The following CDH12 variants were observed in gnomAD, a reference collection of about 807,000 sequenced individuals.
CDH12 encodes the protein cadherin-12.
CDH12 carries 41 observed loss-of-function variants against 74.1 expected under a neutral mutation model. The observed-to-expected ratio is 0.55, with a 90% CI of 0.43 to 0.72. The LOEUF (loss-of-function observed/expected upper bound fraction) is 0.72, where lower values mean the gene tolerates loss of function less well. CDH12 is among the 30% of genes least tolerant of loss of function. The pLI, the probability that CDH12 is intolerant of heterozygous loss-of-function variation, is 0.00. For synonymous variants in CDH12, 399 were observed against 355.0 expected, an observed-to-expected ratio of 1.12 and a Z score of -1.39; for missense variants, 945 against 977.2, an observed-to-expected ratio of 0.97 and a Z score of 0.44.
chr5:22,525,924 G>A (rs1427276350), intron 1 of CDH12, among the ~76,000 whole-genome samples: 2 of 152,154 alleles, frequency 1.3e-5, no homozygotes, highest in Non-Finnish European at 2.9e-5. Context: ...TGAGAAGAAA[G>A]TATATTAGTA....
intron 1 of CDH12, among the ~76,000 whole-genome samples, chr5:22,671,443 CT>C (rs34616510): frequency 0.67 from 102,079 of 151,826 alleles, 34,538 homozygotes; most frequent in Admixed American, 0.73. Flanking sequence ...ACTACTGGCA[CT>C]TGGAATAGGG....
At chr5:22,279,442 T>C (rs1736778549) in intron 3 of CDH12, among the ~76,000 whole-genome samples, 1 of 152,176 alleles carries the variant, frequency 6.6e-6, no homozygotes, top group South Asian at 2.1e-4. Flanking sequence ...TTGTTACATA[T>C]GTATACATGT....
intron 4 of CDH12, among the ~76,000 whole-genome samples, chr5:22,167,580 A>G (rs1327347785): frequency 1.3e-5 from 2 of 152,192 alleles, no homozygotes; most frequent in African/African-American, 2.4e-5. Flanking sequence ...CCTGGAATCA[A>G]CTATGAGAAA....
chr5:21,858,454 C>T, intron 6 of CDH12, among the ~76,000 whole-genome samples: 1 of 151,960 alleles, frequency 6.6e-6, no homozygotes, highest in East Asian at 1.9e-4. Flanking sequence ...TAATGTTTCA[C>T]TTTTTAGATT....
chr5:21,786,903 C>T (rs1746227989), intron 10 of CDH12, among the ~76,000 whole-genome samples: 1 of 152,108 alleles, frequency 6.6e-6, no homozygotes, highest in African/African-American at 2.4e-5. Flanking sequence ...GAGGAAGTAA[C>T]TGCAGAGGGG....
At chr5:22,351,800 C>A (rs920138202) in intron 3 of CDH12, among the ~76,000 whole-genome samples, 3 of 152,116 alleles carry the variant, frequency 2.0e-5, no homozygotes, top group African/African-American at 7.2e-5. Context: ...GAACATTTTT[C>A]TTGTCCAGCT....
intron 1 of CDH12, among the ~76,000 whole-genome samples, chr5:22,535,690 G>A (rs1306394496): frequency 1.3e-5 from 2 of 152,196 alleles, no homozygotes; most frequent in Admixed American, 6.5e-5. Flanking sequence ...GTATGCTAAT[G>A]TGCTTTCTCT....
intron 6 of CDH12, among the ~76,000 whole-genome samples, chr5:21,924,297 G>A (rs951183213): frequency 1.3e-5 from 2 of 152,060 alleles, no homozygotes; most frequent in African/African-American, 4.8e-5. Flanking sequence ...GAAGGCCGAG[G>A]CCGAGGTCAG....
chr5:22,032,903 G>C (rs1365728998), intron 5 of CDH12, among the ~76,000 whole-genome samples: 1 of 151,152 alleles, frequency 6.6e-6, no homozygotes, highest in Non-Finnish European at 1.5e-5. Flanking sequence ...GCAGACAGAA[G>C]AGATACCTAG....
intron 2 of CDH12, among the ~76,000 whole-genome samples, chr5:22,410,683 A>G (rs1743136093): frequency 6.6e-6 from 1 of 152,126 alleles, no homozygotes; most frequent in East Asian, 1.9e-4. Context: ...TTGATTTTTC[A>G]GCAAACCTTC....
At chr5:22,445,375 A>T (rs557565676) in intron 2 of CDH12, among the ~76,000 whole-genome samples, 5 of 152,126 alleles carry the variant, frequency 3.3e-5, no homozygotes, top group South Asian at 4.1e-4. Flanking sequence ...ATACAGTTTT[A>T]TTTTCCCCTG....
intron 2 of CDH12, among the ~76,000 whole-genome samples, chr5:22,410,385 T>G (rs1743125508): frequency 6.6e-6 from 1 of 152,246 alleles, no homozygotes; most frequent in African/African-American, 2.4e-5. Context: ...GTCATAAGAC[T>G]TCCATTCCAG....
chr5:22,026,440 A>G (rs1738361651), intron 5 of CDH12, among the ~76,000 whole-genome samples: 1 of 152,136 alleles, frequency 6.6e-6, no homozygotes, highest in African/African-American at 2.4e-5. Context: ...CTATTCCCAT[A>G]AAATTATGAG....
At chr5:22,350,192 A>G (rs958905654) in intron 3 of CDH12, among the ~76,000 whole-genome samples, 5 of 152,182 alleles carry the variant, frequency 3.3e-5, no homozygotes, top group Non-Finnish European at 7.3e-5. Flanking sequence ...TAGAATTCTG[A>G]TTTTTCTATT....
intron 5 of CDH12, among the ~76,000 whole-genome samples, chr5:22,031,480 T>C (rs1056378943): frequency 6.6e-6 from 1 of 152,212 alleles, no homozygotes; most frequent in Non-Finnish European, 1.5e-5. Context: ...GCACTTTTAA[T>C]TTCCTTCAAG....
intron 4 of CDH12, chr5:22,212,143 T>G (rs561949436): frequency 1.3e-5 from 2 of 152,250 alleles, no homozygotes; most frequent in East Asian, 3.9e-4. Context: ...CTTTGAAGTT[T>G]TCAGACTCAG....
At chr5:22,258,736 T>C (rs1753408142) in intron 3 of CDH12, among the ~76,000 whole-genome samples, 1 of 152,134 alleles carries the variant, frequency 6.6e-6, no homozygotes, top group Admixed American at 6.6e-5. Flanking sequence ...TACACAAATA[T>C]TTACCAGTTG....
intron 4 of CDH12, among the ~76,000 whole-genome samples, chr5:22,162,731 T>C (rs1156496456): frequency 2.0e-5 from 3 of 152,126 alleles, no homozygotes; most frequent in Non-Finnish European, 4.4e-5. Context: ...CATTTGCCCT[T>C]AGTGCAGGTT....
intron 10 of CDH12, among the ~76,000 whole-genome samples, chr5:21,786,442 A>G (rs200499968): frequency 6.6e-6 from 1 of 151,890 alleles, no homozygotes; most frequent in Non-Finnish European, 1.5e-5. Context: ...GTGAGCCACC[A>G]CACCCAGCTG....
Sources: allele counts gnomAD v4.1 joint callset (sites outside exome capture counted in the v4.1 genomes callset), GRCh38; gene constraint gnomAD v4.1.1; transcripts MANE v1.5; gene names NCBI Gene and HGNC (gene_info 2026-07-23, HGNC 2026-07-21).